The following CPQ variants were observed in gnomAD, a reference collection of about 807,000 sequenced individuals.
CPQ encodes the protein carboxypeptidase Q.
Under a neutral mutation model 45.7 loss-of-function variants are expected in CPQ, and 37 were observed. That is an observed-to-expected ratio of 0.81 (90% confidence interval 0.62 to 1.07). The LOEUF (loss-of-function observed/expected upper bound fraction) is 1.07, where lower values mean the gene tolerates loss of function less well. CPQ is among the 50% of genes least tolerant of loss of function. The pLI, the probability that CPQ is intolerant of heterozygous loss-of-function variation, is 0.00. For synonymous variants in CPQ, 186 were observed against 205.8 expected (o/e 0.90, Z 0.82); for missense variants, 537 against 572.9 (o/e 0.94, Z 0.64).
chr8:96,730,560 TC>T (rs1337025587), intron 1 of CPQ, among the ~76,000 whole-genome samples: 5 of 151,882 alleles, frequency 3.3e-5, no homozygotes, highest in Non-Finnish European at 7.4e-5. Flanking sequence ...CTTTTCTCCT[TC>T]CCCCCAAAGA....
At chr8:96,887,869 A>G in intron 4 of CPQ, among the ~76,000 whole-genome samples, 1 of 152,146 alleles carries the variant, frequency 6.6e-6, no homozygotes, top group Non-Finnish European at 1.5e-5. Context: ...TTCTTACAGC[A>G]GTTATTTTCA....
intron 1 of CPQ, among the ~76,000 whole-genome samples, chr8:96,671,841 T>A (rs1162002043): frequency 6.6e-6 from 1 of 152,176 alleles, no homozygotes; most frequent in Middle Eastern, 3.2e-3. Flanking sequence ...TTTGAAGAAC[T>A]ACTTTTACAT....
intron 6 of CPQ, among the ~76,000 whole-genome samples, chr8:97,044,369 C>G (rs1407622861): frequency 6.6e-6 from 1 of 152,172 alleles, no homozygotes; most frequent in Non-Finnish European, 1.5e-5. Flanking sequence ...ATTGGTCATT[C>G]TAGTTATACA....
intron 1 of CPQ, among the ~76,000 whole-genome samples, chr8:96,751,747 G>T (rs1586386774): frequency 6.6e-6 from 1 of 151,896 alleles, no homozygotes; most frequent in African/African-American, 2.4e-5. Context: ...CCTAGATTTT[G>T]TTCTAGGTTT....
chr8:96,697,758 A>G (rs985516483), intron 1 of CPQ, among the ~76,000 whole-genome samples: 1 of 152,162 alleles, frequency 6.6e-6, no homozygotes, highest in Non-Finnish European at 1.5e-5. Context: ...TCCCACTTAC[A>G]GTAGCTACAA....
intron 1 of CPQ, among the ~76,000 whole-genome samples, chr8:96,659,711 G>A (rs564659417): frequency 7.2e-5 from 11 of 152,276 alleles, no homozygotes; most frequent in Non-Finnish European, 1.5e-4. Flanking sequence ...TTAATTTGAT[G>A]TGTCTGAAAT....
chr8:96,822,001 T>G (rs919384077), intron 2 of CPQ, among the ~76,000 whole-genome samples: 33 of 152,000 alleles, frequency 2.2e-4, no homozygotes, highest in African/African-American at 8.0e-4. Context: ...GTACAACATA[T>G]CTCTTGAACT....
chr8:97,077,062 C>T (rs866878112), intron 7 of CPQ, among the ~76,000 whole-genome samples: 7 of 151,984 alleles, frequency 4.6e-5, no homozygotes, highest in Non-Finnish European at 8.8e-5. Flanking sequence ...TTTATAGTAC[C>T]GTACTCTATT....
At chr8:97,085,524 T>C (rs1811026131) in intron 7 of CPQ, among the ~76,000 whole-genome samples, 1 of 152,174 alleles carries the variant, frequency 6.6e-6, no homozygotes, top group South Asian at 2.1e-4. Context: ...TGAATCTACA[T>C]GTCATCTATC....
chr8:96,949,475 C>G (rs1813231588), intron 4 of CPQ, among the ~76,000 whole-genome samples: 1 of 151,958 alleles, frequency 6.6e-6, no homozygotes, highest in South Asian at 2.1e-4. Flanking sequence ...AGTCCAGACC[C>G]AGGTTTTATT....
At chr8:96,648,197 G>T (rs1473155276) in intron 1 of CPQ, among the ~76,000 whole-genome samples, 2 of 152,016 alleles carry the variant, frequency 1.3e-5, no homozygotes, top group African/African-American at 4.8e-5. Flanking sequence ...AGTTGTGGCC[G>T]CCTGAAAAAC....
At chr8:96,854,274 G>A (rs1236675324) in intron 3 of CPQ, among the ~76,000 whole-genome samples, 2 of 151,878 alleles carry the variant, frequency 1.3e-5, no homozygotes, top group Admixed American at 1.3e-4. Context: ...GCTCACGCCT[G>A]TAATCCCAGC....
At chr8:96,660,439 G>A (rs890793749) in intron 1 of CPQ, among the ~76,000 whole-genome samples, 1 of 152,134 alleles carries the variant, frequency 6.6e-6, no homozygotes, top group Non-Finnish European at 1.5e-5. Context: ...AAAGCCCTGG[G>A]GGTTAGGGCT....
intron 1 of CPQ, among the ~76,000 whole-genome samples, chr8:96,712,760 C>A (rs1462829760): frequency 6.6e-6 from 1 of 152,194 alleles, no homozygotes; most frequent in African/African-American, 2.4e-5. Flanking sequence ...ATAGTAGGGG[C>A]TGCCATGAAG....
At chr8:97,123,206 A>AATAAAATAAAATAAAATAAAATAT (rs1811782700) in intron 7 of CPQ, among the ~76,000 whole-genome samples, 1 of 91,046 alleles carries the variant, frequency 1.1e-5, no homozygotes, top group Admixed American at 1.2e-4. Flanking sequence ...AAATAAAATA[A>AATAAAATAAAATAAAATAAAATAT]AAAATAAAAT....
At chr8:96,992,253 CT>C (rs1809107192) in intron 5 of CPQ, among the ~76,000 whole-genome samples, 1 of 152,168 alleles carries the variant, frequency 6.6e-6, no homozygotes. Context: ...TGAGGATGCA[CT>C]TGTGTCTGAG....
intron 3 of CPQ, among the ~76,000 whole-genome samples, chr8:96,837,636 T>C (rs1295873815): frequency 1.3e-5 from 2 of 152,136 alleles, no homozygotes; most frequent in Non-Finnish European, 2.9e-5. Context: ...AAGATGTGAC[T>C]TGAACCACAA....
intron 5 of CPQ, among the ~76,000 whole-genome samples, chr8:96,994,786 T>C (rs1055952573): frequency 1.3e-5 from 2 of 152,030 alleles, no homozygotes; most frequent in African/African-American, 4.8e-5. Flanking sequence ...TCTCAACATG[T>C]TCCCTGCTTG....
intron 1 of CPQ, among the ~76,000 whole-genome samples, chr8:96,724,243 C>T (rs1351438914): frequency 6.6e-6 from 1 of 152,000 alleles, no homozygotes; most frequent in Non-Finnish European, 1.5e-5. Context: ...TTATACTGCT[C>T]AGAATCATCC....
Sources: allele counts gnomAD v4.1 joint callset (sites outside exome capture counted in the v4.1 genomes callset), GRCh38; gene constraint gnomAD v4.1.1; transcripts MANE v1.5; gene names NCBI Gene and HGNC (gene_info 2026-07-23, HGNC 2026-07-21).